The following PAK6 variants were observed in gnomAD, a reference collection of about 807,000 sequenced individuals.
The protein encoded by PAK6 is p21 (RAC1) activated kinase 6, also known as serine/threonine-protein kinase PAK 6.
PAK6 carries 33 observed loss-of-function variants against 60.8 expected under a neutral mutation model. That is an observed-to-expected ratio of 0.54 (90% CI 0.41 to 0.73). The LOEUF (loss-of-function observed/expected upper bound fraction) is 0.73. Among genes scored for constraint, PAK6 ranks in the 30% least tolerant of loss-of-function variants. PAK6 has a pLI of 0.00. For missense variants in PAK6, 845 were observed against 904.1 expected (o/e 0.93, Z 0.84); for synonymous variants, 404 against 378.5 (o/e 1.07, Z -0.78).
At chr15:40,275,251 CCTTGA>C (rs1250754712) in intron 10 of PAK6, among the ~76,000 whole-genome samples, 1 of 134,322 alleles carries the variant, frequency 7.4e-6, no homozygotes, top group Non-Finnish European at 1.6e-5. Flanking sequence ...ACTTCCTCAT[CCTTGA>C]CTTGTTTGTT....
chr15:40,265,195 T>A (rs2140979242), intron 4 of PAK6, among the ~76,000 whole-genome samples: 1 of 152,232 alleles, frequency 6.6e-6, no homozygotes, highest in Non-Finnish European at 1.5e-5. Flanking sequence ...CTCTGCAGGG[T>A]GGTGGGGTTG....
chr15:40,272,016 G>A (rs1400548979), intron 5 of PAK6, among the ~76,000 whole-genome samples: 1 of 152,202 alleles, frequency 6.6e-6, no homozygotes, highest in Non-Finnish European at 1.5e-5. Context: ...GCCCAGCCTG[G>A]TGCCCTGCGG....
intron 5 of PAK6, among the ~76,000 whole-genome samples, chr15:40,268,974 A>C (rs2039226866): frequency 6.6e-6 from 1 of 152,234 alleles, no homozygotes; most frequent in Non-Finnish European, 1.5e-5. Flanking sequence ...TACATGAGAT[A>C]GTACGTTGAA....
intron 2 of PAK6, among the ~76,000 whole-genome samples, chr15:40,240,918 C>T (rs776485353): frequency 1.4e-4 from 21 of 152,320 alleles, no homozygotes; most frequent in Non-Finnish European, 2.4e-4. Context: ...CTTGTTTCTA[C>T]TCTTCCTGCC....
intron 3 of PAK6, among the ~76,000 whole-genome samples, chr15:40,260,838 GATTT>G (rs1374654662): frequency 6.6e-6 from 1 of 151,204 alleles, no homozygotes; most frequent in Non-Finnish European, 1.5e-5. Flanking sequence ...TTTTTTGTTA[GATTT>G]ATTCTAGATA....
chr15:40,247,799 G>C (rs2140946642), intron 2 of PAK6, among the ~76,000 whole-genome samples: 1 of 152,312 alleles, frequency 6.6e-6, no homozygotes, highest in South Asian at 2.1e-4. Flanking sequence ...GAACAGACCT[G>C]TTGGGTTGAT....
At chr15:40,276,280 T>C in exon 11 of PAK6, 1 of 591,910 alleles carries the variant, frequency 1.7e-6, no homozygotes, top group Non-Finnish European at 3.0e-6. Context: ...TCAGTGTCTC[T>C]CCCTCCCGAG....
exon 11 of PAK6, chr15:40,276,750 G>A (rs952256885): frequency 9.7e-4 from 1 of 1,026 alleles, no homozygotes; most frequent in African/African-American, 6.1e-3. Context: ...AGAGAACATC[G>A]TGTGTGTGTG....
At chr15:40,270,383 A>C (rs904831963) in intron 5 of PAK6, among the ~76,000 whole-genome samples, 1 of 152,274 alleles carries the variant, frequency 6.6e-6, no homozygotes, top group South Asian at 2.1e-4. Flanking sequence ...ACCTTGTTCA[A>C]ATGCAGTCTC....
rs1209858116 is a variant in PAK6 at position 40,252,804 on chromosome 15, C to A, written c.-117-374C>A. On this transcript the variant is annotated intron_variant, in intron 2 of 10. Transcript: ENST00000560346. ...AAGTTCGGGACCAGCCGGCGCCAGG[C>A]GAGGGGCCTTGGGCGCAGGCATCTG... 1.2e-5 allele frequency: 15 copies of A among 1,297,604 alleles called. No individual in the cohort carries two copies. In the East Asian group the frequency reaches 1.7e-4, roughly 14 times the overall value. 80.4% of individuals were successfully genotyped at this position (1,297,604 alleles called of 1,614,324 possible).
chr15:40,240,453 G>A, intron 1 of PAK6, 146 bp from the exon 2 acceptor site: 2 of 348,148 alleles, frequency 5.7e-6, no homozygotes, highest in South Asian at 2.2e-5. Context: ...GCACCAGTGA[G>A]TAAGCTGCCA....
intron 10 of PAK6, 136 bp downstream of exon 10, chr15:40,274,412 CA>C (rs2039393074): frequency 1.1e-6 from 1 of 928,720 alleles, no homozygotes; most frequent in Non-Finnish European, 1.6e-6. Flanking sequence ...CCTCTTTCCC[CA>C]CACAAAACCC....
intron 4 of PAK6, 45 bp downstream of exon 4, chr15:40,265,034 C>A: frequency 6.4e-7 from 1 of 1,562,600 alleles, no homozygotes; most frequent in Non-Finnish European, 8.7e-7. Context: ...TCCCAGTACT[C>A]AGACAACCAT....
chr15:40,244,165 C>A (rs902581187), intron 2 of PAK6, among the ~76,000 whole-genome samples: 3 of 151,938 alleles, frequency 2.0e-5, no homozygotes, highest in African/African-American at 4.8e-5. Context: ...CCCGTCTCTA[C>A]TAAAAAATAC....
chr15:40,265,550 C>A (rs987536817), intron 4 of PAK6, among the ~76,000 whole-genome samples: 23 of 152,170 alleles, frequency 1.5e-4, no homozygotes, highest in African/African-American at 5.6e-4. Flanking sequence ...GCTCCAGCTC[C>A]CTGGCCCAGC....
At chr15:40,266,189 G>A (rs1466318398) in exon 5 of PAK6, 34 of 1,609,460 alleles carry the variant, frequency 2.1e-5, no homozygotes, top group Non-Finnish European at 2.9e-5. Context: ...GCCCCGCCGA[G>A]TTTCAGGGTG....
At chr15:40,276,161 C>A in exon 11 of PAK6, 1 of 1,449,370 alleles carries the variant, frequency 6.9e-7, no homozygotes. Flanking sequence ...AGCCTGCCGG[C>A]AGGACTTGCC....
At chr15:40,271,103 G>A (rs2039288256) in intron 5 of PAK6, among the ~76,000 whole-genome samples, 1 of 152,204 alleles carries the variant, frequency 6.6e-6, no homozygotes. Flanking sequence ...TGGGTTTGGA[G>A]AAGTTCCTAG....
chr15:40,267,779 C>T (rs1386836832), intron 5 of PAK6, among the ~76,000 whole-genome samples: 1 of 152,196 alleles, frequency 6.6e-6, no homozygotes, highest in Non-Finnish European at 1.5e-5. Context: ...GGAACACGAG[C>T]ATCTGTGAGC....
Sources: gnomAD v4.1 joint callset for allele counts (sites outside exome capture counted in the v4.1 genomes callset) on GRCh38, gnomAD v4.1.1 for gene constraint, MANE v1.5 for transcripts, NCBI Gene and HGNC (gene_info 2026-07-23, HGNC 2026-07-21) for gene names.